Variants in ZFHX4 observed in about 807,000 individuals in gnomAD.
ZFHX4 encodes the protein zinc finger homeobox 4, also known as zinc finger homeobox protein 4.
In ZFHX4, 56 loss-of-function variants were observed where a neutral mutation model predicts 267.6. The observed-to-expected ratio is 0.21, with a 90% CI of 0.17 to 0.26. The LOEUF (loss-of-function observed/expected upper bound fraction) is 0.26. ZFHX4 is among the 10% of genes least tolerant of loss of function. The pLI, the probability that ZFHX4 is intolerant of heterozygous loss-of-function variation, is 1.00. For missense variants in ZFHX4, 4,332 were observed against 4,420.0 expected (o/e 0.98, Z 0.56); for synonymous variants, 1,778 against 1,665.6 (o/e 1.07, Z -1.64).
At chr8:76,778,460 C>T in intron 4 of ZFHX4, 21 bp downstream of exon 4, 1 of 1,593,902 alleles carries the variant, frequency 6.3e-7, no homozygotes, top group Non-Finnish European at 8.6e-7. Context: ...CTGAAGAGGG[C>T]TGTCTCTGAG....
intron 6 of ZFHX4, among the ~76,000 whole-genome samples, chr8:76,844,090 T>C (rs1051712529): frequency 6.6e-6 from 1 of 152,176 alleles, no homozygotes; most frequent in Admixed American, 6.6e-5. Flanking sequence ...AGCTGGCTCC[T>C]GAAGTTACTG....
chr8:76,795,069 G>A (rs1292875994), intron 4 of ZFHX4, among the ~76,000 whole-genome samples: 3 of 151,960 alleles, frequency 2.0e-5, no homozygotes, highest in African/African-American at 4.8e-5. Flanking sequence ...CAAGTCCCAG[G>A]GAAAATGGAA....
At chr8:76,694,523 T>C (rs994777088) in intron 1 of ZFHX4, among the ~76,000 whole-genome samples, 2 of 152,178 alleles carry the variant, frequency 1.3e-5, no homozygotes, top group Non-Finnish European at 2.9e-5. Context: ...CTGCTGCAGA[T>C]GCCCATGTTG....
At chr8:76,799,271 T>A (rs1811059206) in intron 4 of ZFHX4, among the ~76,000 whole-genome samples, 1 of 152,208 alleles carries the variant, frequency 6.6e-6, no homozygotes, top group African/African-American at 2.4e-5. Context: ...ATCAATTAAT[T>A]TTCTTCTGAC....
chr8:76,768,697 G>A (rs962438384), intron 3 of ZFHX4, among the ~76,000 whole-genome samples: 13 of 152,124 alleles, frequency 8.5e-5, no homozygotes, highest in African/African-American at 2.6e-4. Flanking sequence ...AAAGAAGGAG[G>A]CCCCAGAAGG....
intron 4 of ZFHX4, among the ~76,000 whole-genome samples, chr8:76,794,047 T>C (rs1810908245): frequency 1.3e-5 from 2 of 152,216 alleles, no homozygotes; most frequent in Non-Finnish European, 1.5e-5. Flanking sequence ...TTAAGTATTT[T>C]ATCTTAACAG....
chr8:76,725,675 C>A (rs778798069), intron 3 of ZFHX4, among the ~76,000 whole-genome samples: 8 of 152,118 alleles, frequency 5.3e-5, no homozygotes, highest in Non-Finnish European at 1.2e-4. Context: ...CTTGCCCTCC[C>A]TTATTTTAGG....
rs138804926 is a variant in ZFHX4 at position 76,828,629 on chromosome 8, T to C, written c.3326-4709T>C. Among the ~76,000 whole-genome samples, 360 of 152,322 alleles carry C rather than the reference T, an allele frequency of 2.4e-3. 3 individuals carry two copies. The highest frequency in any genetic ancestry group is 3.5e-3 in the Non-Finnish European group (241 of 68,020). ...ATTCATAGGCTCTAAAATATCCTTTTACAGTTAGTCACATAGCTCCAGTAG... is the reference window on the plus strand; with the variant it reads ...ATTCATAGGCTCTAAAATATCCTTTCACAGTTAGTCACATAGCTCCAGTAG... On this transcript the variant is annotated intron_variant, in intron 4 of 10. Transcript: ENST00000651372.
intron 1 of ZFHX4, among the ~76,000 whole-genome samples, chr8:76,697,323 T>C (rs1270868731): frequency 6.6e-6 from 1 of 152,018 alleles, no homozygotes; most frequent in East Asian, 1.9e-4. Context: ...TGGTTTTTAC[T>C]AGTTCGGTAT....
chr8:76,700,317 C>T (rs1288113759), intron 1 of ZFHX4, among the ~76,000 whole-genome samples: 1 of 152,060 alleles, frequency 6.6e-6, no homozygotes, highest in African/African-American at 2.4e-5. Flanking sequence ...GCTAACCTAG[C>T]ATTCCTTTCC....
intron 4 of ZFHX4, among the ~76,000 whole-genome samples, chr8:76,808,323 T>A (rs1811294724): frequency 6.6e-6 from 1 of 152,154 alleles, no homozygotes; most frequent in African/African-American, 2.4e-5. Flanking sequence ...CTAAACATTC[T>A]TCCTTCTGTA....
At chr8:76,742,851 C>A (rs778397618) in intron 3 of ZFHX4, among the ~76,000 whole-genome samples, 2 of 152,090 alleles carry the variant, frequency 1.3e-5, no homozygotes, top group African/African-American at 4.8e-5. Context: ...ATCAAGCAAC[C>A]CAGCCTGACC....
intron 4 of ZFHX4, among the ~76,000 whole-genome samples, chr8:76,818,076 C>A: frequency 6.6e-6 from 1 of 151,982 alleles, no homozygotes; most frequent in East Asian, 1.9e-4. Context: ...TCACCATAAA[C>A]CAGGTAAATT....
chr8:76,775,019 A>C (rs923888420), intron 3 of ZFHX4, among the ~76,000 whole-genome samples: 1 of 152,204 alleles, frequency 6.6e-6, no homozygotes, highest in African/African-American at 2.4e-5. Flanking sequence ...AGCTAAAATT[A>C]TATGTCATTG....
At chr8:76,725,241 A>T (rs1185431510) in intron 3 of ZFHX4, among the ~76,000 whole-genome samples, 1 of 152,138 alleles carries the variant, frequency 6.6e-6, no homozygotes, top group Non-Finnish European at 1.5e-5. Flanking sequence ...TATGATCAAC[A>T]CAATGTACAT....
chr8:76,742,543 T>C (rs1809347912), intron 3 of ZFHX4, among the ~76,000 whole-genome samples: 1 of 152,182 alleles, frequency 6.6e-6, no homozygotes, highest in African/African-American at 2.4e-5. Flanking sequence ...ATTTAATGCA[T>C]AACTCATTAA....
intron 4 of ZFHX4, among the ~76,000 whole-genome samples, chr8:76,783,130 C>G (rs1237767579): frequency 6.6e-6 from 1 of 151,932 alleles, no homozygotes; most frequent in Non-Finnish European, 1.5e-5. Context: ...GCATCATTTT[C>G]AAGGATGTAC....
intron 3 of ZFHX4, among the ~76,000 whole-genome samples, chr8:76,756,088 C>A (rs1327169270): frequency 6.6e-6 from 1 of 152,140 alleles, no homozygotes; most frequent in Non-Finnish European, 1.5e-5. Flanking sequence ...TTACTTCTTT[C>A]GTGCAGATTC....
rs756842021 is a variant in ZFHX4, at chr8:76,855,199, G to T, written c.8278G>T (p.Ala2760Ser). The change falls in exon 10 of 11, where the codon GCA becomes TCA. Residue 2760 changes from alanine (A) to serine (S), a missense_variant. Transcript: ENST00000651372. ...AGTGTCAACACCTGTTAGTAAAACA[G>T]CAGAGCTGTCACCGAAGAATCTTTT... ...STVSTPVSKT[A>S]ELSPKNLLSP... The T allele has an allele frequency of 1.2e-6, 2 of 1,613,068 alleles. No individual in the cohort carries two copies. The highest frequency in any genetic ancestry group is 1.1e-5 in the South Asian group (1 of 90,878).
Sources: allele counts gnomAD v4.1 joint callset (sites outside exome capture counted in the v4.1 genomes callset), GRCh38; gene constraint gnomAD v4.1.1; transcripts MANE v1.5; gene names NCBI Gene and HGNC (gene_info 2026-07-23, HGNC 2026-07-21).